CTNNA3: variants seen among roughly 807,000 people sequenced by gnomAD.
CTNNA3 encodes the protein catenin alpha-3.
Under a neutral mutation model 95.7 loss-of-function variants are expected in CTNNA3, and 76 were observed. The ratio of observed to expected loss-of-function variants is 0.79; its 90% CI spans 0.66 to 0.96. CTNNA3 has a LOEUF of 0.96. Among genes scored for constraint, CTNNA3 ranks in the 40% least tolerant of loss-of-function variants. The pLI, the probability that CTNNA3 is intolerant of heterozygous loss-of-function variation, is 0.00. For synonymous variants in CTNNA3, 431 were observed against 374.4 expected, an observed-to-expected ratio of 1.15 and a Z score of -1.74; for missense variants, 1,191 against 1,089.8, an observed-to-expected ratio of 1.09 and a Z score of -1.31.
rs368513767 is a variant in CTNNA3, at chr10:67,416,607, C to CAAA, written c.579+105232_579+105234dup. On this transcript the variant is annotated intron_variant, in intron 5 of 17. Coordinates refer to ENST00000433211, the MANE Select transcript of CTNNA3 (RefSeq NM_013266.4). ...TGGGCGACAGAGAGAGACTCTGTCT[C>CAAA]AAAAAAAAAAAAAAAAAAAAAAAAC... Among the ~76,000 whole-genome samples, 295 of 38,260 alleles carry CAAA rather than the reference C, an allele frequency of 7.7e-3. 14 individuals are homozygous for CAAA. Among genetic ancestry groups the CAAA allele is most frequent in the African/African-American group, 0.02 (263 of 13,006 alleles). 25.1% of individuals were successfully genotyped at this position (38,260 alleles called of 152,430 possible).
intron 14 of CTNNA3, among the ~76,000 whole-genome samples, chr10:66,082,901 C>T (rs1589349822): frequency 1.3e-5 from 2 of 152,122 alleles, no homozygotes; most frequent in Admixed American, 6.6e-5. Context: ...CAGCAAAATA[C>T]TGCATATTTT....
chr10:66,649,178 C>T (rs6480189), intron 9 of CTNNA3, among the ~76,000 whole-genome samples: 4 of 151,974 alleles, frequency 2.6e-5, no homozygotes, highest in Non-Finnish European at 4.4e-5. Flanking sequence ...GTGGAGAATG[C>T]GACTGAAGTT....
intron 13 of CTNNA3, among the ~76,000 whole-genome samples, chr10:66,147,878 A>G (rs1455497590): frequency 1.3e-5 from 2 of 151,400 alleles, no homozygotes; most frequent in East Asian, 1.9e-4. Context: ...ATGTGTTTAT[A>G]AAAATTGAAC....
At chr10:66,809,012 G>T (rs548775532) in intron 7 of CTNNA3, among the ~76,000 whole-genome samples, 2 of 152,136 alleles carry the variant, frequency 1.3e-5, no homozygotes, top group Non-Finnish European at 1.5e-5. Flanking sequence ...GCAGATGGTT[G>T]TCAGCATTGG....
intron 6 of CTNNA3, among the ~76,000 whole-genome samples, chr10:67,193,420 G>T (rs1056255906): frequency 6.6e-6 from 1 of 151,870 alleles, no homozygotes; most frequent in African/African-American, 2.4e-5. Context: ...TGTCATGAGG[G>T]TTTGTTTTAC....
At chr10:66,684,185 T>C (rs1295178436) in intron 9 of CTNNA3, among the ~76,000 whole-genome samples, 1 of 152,124 alleles carries the variant, frequency 6.6e-6, no homozygotes, top group Non-Finnish European at 1.5e-5. Flanking sequence ...ATTGGGGTTA[T>C]CTGGCTTGTC....
At chr10:67,749,451 TAACA>T (rs1273827303) in intron 1 of CTNNA3, among the ~76,000 whole-genome samples, 7 of 152,140 alleles carry the variant, frequency 4.6e-5, no homozygotes, top group African/African-American at 4.8e-5. Context: ...ACTGAAATCA[TAACA>T]AACAGTCTCT....
At chr10:66,869,174 T>C (rs774347583) in intron 7 of CTNNA3, among the ~76,000 whole-genome samples, 2 of 152,180 alleles carry the variant, frequency 1.3e-5, no homozygotes, top group Non-Finnish European at 2.9e-5. Flanking sequence ...AAAAACACTA[T>C]ATAATTATGG....
intron 6 of CTNNA3, among the ~76,000 whole-genome samples, chr10:67,214,180 C>A (rs1216947817): frequency 6.6e-6 from 1 of 151,702 alleles, no homozygotes; most frequent in Non-Finnish European, 1.5e-5. Context: ...GTGTGTACAT[C>A]CTTCTTTTTC....
chr10:66,209,801 T>C (rs1294656394), intron 13 of CTNNA3, among the ~76,000 whole-genome samples: 2 of 152,212 alleles, frequency 1.3e-5, no homozygotes, highest in Non-Finnish European at 2.9e-5. Flanking sequence ...AACTTTAGCA[T>C]GTGTTTCTCA....
intron 11 of CTNNA3, among the ~76,000 whole-genome samples, chr10:66,469,953 A>G (rs964353705): frequency 6.6e-6 from 1 of 151,898 alleles, no homozygotes; most frequent in Non-Finnish European, 1.5e-5. Context: ...GGAGAAAGAC[A>G]ATGAGATAGC....
chr10:65,972,344 A>C (rs2078121777), intron 16 of CTNNA3, among the ~76,000 whole-genome samples: 1 of 152,132 alleles, frequency 6.6e-6, no homozygotes, highest in African/African-American at 2.4e-5. Flanking sequence ...CACAGCAATC[A>C]GGCAAAATAA....
chr10:67,491,154 C>A (rs971270607), intron 5 of CTNNA3, among the ~76,000 whole-genome samples: 6 of 151,768 alleles, frequency 4.0e-5, no homozygotes, highest in Non-Finnish European at 4.4e-5. Flanking sequence ...GCATAATATC[C>A]CAAAGTGAAT....
chr10:66,697,617 C>T (rs749521606), intron 9 of CTNNA3, among the ~76,000 whole-genome samples: 23 of 152,210 alleles, frequency 1.5e-4, no homozygotes, highest in Non-Finnish European at 2.2e-4. Context: ...AATTGCAATA[C>T]TTCAGATGAT....
intron 11 of CTNNA3, among the ~76,000 whole-genome samples, chr10:66,465,974 A>G (rs993992386): frequency 6.6e-6 from 1 of 152,138 alleles, no homozygotes; most frequent in Admixed American, 6.6e-5. Context: ...TTTATGCCAC[A>G]GTACTCAGAT....
At chr10:66,333,383 T>C (rs1308868899) in intron 12 of CTNNA3, among the ~76,000 whole-genome samples, 3 of 152,086 alleles carry the variant, frequency 2.0e-5, no homozygotes, top group Admixed American at 2.0e-4. Flanking sequence ...TAAATTTCCC[T>C]CTACACACTT....
At chr10:66,082,128 AT>A (rs1478750202) in intron 14 of CTNNA3, among the ~76,000 whole-genome samples, 1 of 152,098 alleles carries the variant, frequency 6.6e-6, no homozygotes, top group Non-Finnish European at 1.5e-5. Context: ...AAAAATAAAA[AT>A]AAAAATAAAC....
rs184461248 is a variant in CTNNA3 at position 66,380,534 on chromosome 10, G to A, written c.1532-1182C>T. Among the ~76,000 whole-genome samples the A allele has an allele frequency of 1.3e-3, 200 of 151,686 alleles. 2 individuals are homozygous for A. The highest frequency in any genetic ancestry group is 4.8e-3 in the African/African-American group (197 of 41,390). The stretch of plus-strand genomic sequence containing the variant: ...GAGGTGGGAGGATTGATTGAGCCCA[G>A]GAGTTTGAGGCTACAGTGAGCTTTG... On this transcript the variant is annotated intron_variant, in intron 11 of 17. Transcript: ENST00000433211.
chr10:66,045,327 C>T (rs2079806559), intron 15 of CTNNA3, among the ~76,000 whole-genome samples: 1 of 152,118 alleles, frequency 6.6e-6, no homozygotes, highest in African/African-American at 2.4e-5. Flanking sequence ...TTTTATCTAC[C>T]TAAACCTTAA....
Sources: gnomAD v4.1 joint callset for allele counts (sites outside exome capture counted in the v4.1 genomes callset) on GRCh38, gnomAD v4.1.1 for gene constraint, MANE v1.5 for transcripts, NCBI Gene and HGNC (gene_info 2026-07-23, HGNC 2026-07-21) for gene names.